RBM20: variants seen among roughly 807,000 people sequenced by gnomAD.
The protein encoded by RBM20 is RNA binding motif protein 20, also known as RNA-binding protein 20.
Under a neutral mutation model 110.1 loss-of-function variants are expected in RBM20, and 51 were observed. That is an observed-to-expected ratio of 0.46 (90% CI 0.37 to 0.59). The LOEUF (loss-of-function observed/expected upper bound fraction) is 0.59, where lower values mean the gene tolerates loss of function less well. RBM20 is among the 20% of genes least tolerant of loss of function. The pLI, the probability that RBM20 is intolerant of heterozygous loss-of-function variation, is 0.00. For missense variants in RBM20, 1,512 were observed against 1,574.9 expected (o/e 0.96, Z 0.68); for synonymous variants, 589 against 618.2 (o/e 0.95, Z 0.70).
intron 1 of RBM20, among the ~76,000 whole-genome samples, chr10:110,708,844 A>C (rs1862879998): frequency 1.3e-5 from 2 of 152,188 alleles, no homozygotes; most frequent in African/African-American, 2.4e-5. Context: ...CAGAAAATTT[A>C]GTGAAGTTCA....
chr10:110,812,700 C>T lies in RBM20; in HGVS notation c.2303C>T (p.Ser768Leu), dbSNP rs1417635. The change falls in exon 9 of 14, where the codon TCG (serine) becomes TTG (leucine). Residue 768 changes from serine (S) to leucine (L), a missense_variant. This residue lies in a region of RBM20 where 1,149 missense variants were observed against 1,169.4 expected (regional missense o/e 0.98). Transcript: ENST00000369519. The stretch of plus-strand genomic sequence containing the variant: ...TACCGGAAAGAGCCCAAAGCCAAGT[C>T]GGACAAGTATCTGAAGCAGCAGCAG... Reference protein sequence around the residue: ...GYYRKEPKAKSDKYLKQQQDA... With the variant: ...GYYRKEPKAKLDKYLKQQQDA... The T allele has an allele frequency of 1.2e-3, 1,890 of 1,551,660 alleles. 8 individuals are homozygous for T. The African/African-American group carries it at 0.018, about 15-fold the overall frequency.
intron 1 of RBM20, among the ~76,000 whole-genome samples, chr10:110,755,846 AC>A (rs1359414906): frequency 1.2e-4 from 18 of 152,264 alleles, no homozygotes. Flanking sequence ...AAAAAAAATG[AC>A]CACCAAGGGA....
chr10:110,714,869 G>A (rs1862992790), intron 1 of RBM20, among the ~76,000 whole-genome samples: 1 of 152,206 alleles, frequency 6.6e-6, no homozygotes, highest in Non-Finnish European at 1.5e-5. Context: ...CAAGTCACTT[G>A]TTGGAGGGGT....
intron 1 of RBM20, among the ~76,000 whole-genome samples, chr10:110,741,700 T>C (rs749190835): frequency 2.0e-4 from 31 of 152,196 alleles, no homozygotes; most frequent in Non-Finnish European, 3.7e-4. Flanking sequence ...CCAGTAGCTA[T>C]GTACCTGAGG....
In RBM20 at chr10:110,644,668, G is replaced by A; in HGVS notation, c.191+23G>A. 2 of 1,453,680 alleles carry A rather than the reference G, an allele frequency of 1.4e-6. No individual in the cohort carries two copies. The highest frequency in any genetic ancestry group is 2.7e-5 in the South Asian group (2 of 73,044). The allele number at this position is 1,453,680 out of a possible 1,614,324, so 90.0% of individuals were successfully genotyped here. On this transcript the variant is annotated intron_variant, in intron 1 of 13. Transcript: ENST00000369519. The surrounding 1 kb of genome is among the most constrained non-coding windows in gnomAD (Gnocchi z 4.3). ...AAAGTAAGAAGGGAGAAGGGAACAG[G>A]GACCACGGGTGCGCCTGGGGACACG...
Position 110,838,021 on chromosome 10 carries a change from G to T in RBM20, c.*2043G>T, listed in dbSNP as rs1326168707. 1 of 152,148 alleles carries T rather than the reference G, an allele frequency of 6.6e-6. No individual in the cohort carries two copies. The highest frequency in any genetic ancestry group is 1.5e-5 in the Non-Finnish European group (1 of 68,038). 9.4% of individuals were successfully genotyped at this position (152,148 alleles called of 1,614,324 possible). ...AAATCAGGAGAGAGAGAGAGAGAAA[G>T]AATAGCCAAATCCCCAAACAGGCCA... On this transcript the variant is annotated 3_prime_UTR_variant, in exon 14 of 14. Transcript: ENST00000369519.
chr10:110,645,787 A>G (rs1049412372), intron 1 of RBM20, among the ~76,000 whole-genome samples: 2 of 151,664 alleles, frequency 1.3e-5, no homozygotes, highest in South Asian at 2.1e-4. Context: ...ATGGTTCCCT[A>G]TGTTGACTGG....
Position 110,729,534 on chromosome 10 carries a change from A to AT in RBM20, c.192-51266dup, listed in dbSNP as rs556026907. On this transcript the variant is annotated intron_variant, in intron 1 of 13. Transcript: ENST00000369519. ...TAATATCTATCTCTTCTTCTAGGCT[A>AT]TGAGCCGCAGGAGGGCAGAAGCTGA... Among the ~76,000 whole-genome samples the AT allele has an allele frequency of 8.9e-4, 135 of 152,318 alleles. 1 individual carries two copies. In the South Asian group the frequency reaches 0.013, roughly 14 times the overall value.
intron 8 of RBM20, 52 bp from the exon 9 acceptor site, chr10:110,812,226 G>T: frequency 1.4e-6 from 2 of 1,444,720 alleles, no homozygotes; most frequent in Non-Finnish European, 9.3e-7. Flanking sequence ...TGTGGGTGGG[G>T]TGGGATGGGA....
At chr10:110,786,527 C>T (rs558315793) in intron 5 of RBM20, among the ~76,000 whole-genome samples, 8 of 152,332 alleles carry the variant, frequency 5.3e-5, no homozygotes, top group African/African-American at 9.6e-5. Flanking sequence ...AGAAGCGCTT[C>T]GAGAGAGCCC....
intron 1 of RBM20, among the ~76,000 whole-genome samples, chr10:110,646,681 G>A (rs188535595): frequency 2.6e-4 from 40 of 152,302 alleles, no homozygotes; most frequent in Admixed American, 9.8e-4. Context: ...TGTCGCAAAC[G>A]CTTTGTAGGT....
At chr10:110,810,846 C>CGT (rs34289852) in intron 8 of RBM20, among the ~76,000 whole-genome samples, 63,893 of 148,996 alleles carry the variant, frequency 0.43, 13,828 homozygotes, top group East Asian at 0.55. Flanking sequence ...CATGTGTGTG[C>CGT]GTGTGTGTGT....
At chr10:110,807,656 G>T (rs1417636) in intron 7 of RBM20, among the ~76,000 whole-genome samples, 6,553 of 152,254 alleles carry the variant, frequency 0.043, 212 homozygotes, top group South Asian at 0.1. Context: ...AACCTCAGCC[G>T]CTCCCTGCCA....
intron 1 of RBM20, among the ~76,000 whole-genome samples, chr10:110,772,973 T>C (rs1437540950): frequency 6.6e-6 from 1 of 152,104 alleles, no homozygotes; most frequent in African/African-American, 2.4e-5. Flanking sequence ...AGCTTTCTCA[T>C]TTTACAAAAA....
At chr10:110,804,142 G>A (rs887571450) in intron 7 of RBM20, among the ~76,000 whole-genome samples, 27 of 152,322 alleles carry the variant, frequency 1.8e-4, no homozygotes, top group African/African-American at 5.1e-4. Context: ...TTTTGAGAGA[G>A]AGTCGCTCTG....
At chr10:110,700,736 C>T (rs544726070) in intron 1 of RBM20, among the ~76,000 whole-genome samples, 5 of 152,160 alleles carry the variant, frequency 3.3e-5, no homozygotes, top group Non-Finnish European at 7.4e-5. Context: ...CCTCTTTGGG[C>T]CAGGCACGGT....
At chr10:110,803,012 C>T (rs763932145) in intron 7 of RBM20, among the ~76,000 whole-genome samples, 2 of 152,118 alleles carry the variant, frequency 1.3e-5, no homozygotes, top group African/African-American at 2.4e-5. Flanking sequence ...TTTTCAGTCT[C>T]GTAATCACTG....
chr10:110,744,696 C>A (rs533731233), intron 1 of RBM20, among the ~76,000 whole-genome samples: 28 of 152,338 alleles, frequency 1.8e-4, no homozygotes, highest in African/African-American at 5.5e-4. Context: ...GTCCCTATTT[C>A]ATTTCAAATG....
At chr10:110,703,833 C>A (rs562602816) in intron 1 of RBM20, among the ~76,000 whole-genome samples, 1 of 152,302 alleles carries the variant, frequency 6.6e-6, no homozygotes, top group Non-Finnish European at 1.5e-5. Flanking sequence ...GAAATCAGGC[C>A]AGGCATGGTG....
Sources: allele counts gnomAD v4.1 joint callset (sites outside exome capture counted in the v4.1 genomes callset), GRCh38; gene constraint gnomAD v4.1.1; regional missense constraint gnomAD v4.1.1; non-coding constraint Gnocchi (gnomAD v3.1); transcripts MANE v1.5; gene names NCBI Gene and HGNC (gene_info 2026-07-23, HGNC 2026-07-21).